IFT80: variants seen among roughly 807,000 people sequenced by gnomAD.
The protein encoded by IFT80 is intraflagellar transport 80.
IFT80 carries 79 observed loss-of-function variants against 107.9 expected under a neutral mutation model. The ratio of observed to expected loss-of-function variants is 0.73; its 90% CI spans 0.61 to 0.88. The LOEUF (loss-of-function observed/expected upper bound fraction) is 0.88. IFT80 is among the 40% of genes least tolerant of loss of function. The pLI is 0.00. For missense variants in IFT80, 797 were observed against 914.2 expected (o/e 0.87, Z 1.65); for synonymous variants, 299 against 300.9 (o/e 0.99, Z 0.07).
chr3:160,264,865 C>G (rs1000875164), intron 19 of IFT80, among the ~76,000 whole-genome samples: 1 of 152,090 alleles, frequency 6.6e-6, no homozygotes, highest in Non-Finnish European at 1.5e-5. Flanking sequence ...TACTTTAAAG[C>G]CTTCCCTCTC....
At chr3:160,268,276 G>T in intron 19 of IFT80, 137 bp downstream of exon 19, 1 of 750,944 alleles carries the variant, frequency 1.3e-6, no homozygotes, top group Non-Finnish European at 2.2e-6. Flanking sequence ...AAAATAAGAT[G>T]TCATAAGGCA....
rs534818872 is a variant in IFT80, at chr3:160,352,340, G to A, written c.777+3673C>T. On this transcript the variant is annotated intron_variant, in intron 8 of 19. Transcript: ENST00000326448. ...AGAAGATGCTTAGAACAAGTCAGAA[G>A]AATAAATTACCTGAGATTTTTAAGA... Among the ~76,000 whole-genome samples, 24 of 152,194 alleles carry A rather than the reference G, an allele frequency of 1.6e-4. No homozygotes were observed. In the East Asian group the frequency reaches 3.7e-3, roughly 23 times the overall value.
At chr3:160,323,437 T>C (rs1232299854) in intron 8 of IFT80, among the ~76,000 whole-genome samples, 6 of 152,112 alleles carry the variant, frequency 3.9e-5, no homozygotes, top group African/African-American at 1.4e-4. Flanking sequence ...TTGGTTACTG[T>C]AGCCTTGTAG....
At chr3:160,308,711 A>G (rs1411865857) in intron 9 of IFT80, among the ~76,000 whole-genome samples, 1 of 152,220 alleles carries the variant, frequency 6.6e-6, no homozygotes, top group Non-Finnish European at 1.5e-5. Context: ...AAGGTAAATC[A>G]AACTTCTTAT....
intron 5 of IFT80, among the ~76,000 whole-genome samples, chr3:160,366,483 T>C (rs1004347807): frequency 1.3e-5 from 2 of 152,006 alleles, no homozygotes; most frequent in Non-Finnish European, 2.9e-5. Flanking sequence ...TTTTAATATA[T>C]AAAGAAATAG....
chr3:160,282,194 T>C (rs1319435011), intron 14 of IFT80, among the ~76,000 whole-genome samples: 1 of 152,132 alleles, frequency 6.6e-6, no homozygotes, highest in Non-Finnish European at 1.5e-5. Context: ...GGCAGGAGAA[T>C]CACTTGAGCC....
intron 11 of IFT80, among the ~76,000 whole-genome samples, chr3:160,301,872 T>C (rs956260510): frequency 7.9e-5 from 12 of 152,012 alleles, no homozygotes; most frequent in Admixed American, 7.9e-4. Context: ...AGAACTTTAC[T>C]AACTCACTCA....
At chr3:160,389,614 A>C (rs1029936674) in intron 1 of IFT80, among the ~76,000 whole-genome samples, 1 of 151,442 alleles carries the variant, frequency 6.6e-6, no homozygotes, top group Non-Finnish European at 1.5e-5. Flanking sequence ...GTTTACTGAG[A>C]ATGATGATTT....
intron 2 of IFT80, 52 bp downstream of exon 2, chr3:160,384,512 C>T (rs1293130379): frequency 4.3e-6 from 6 of 1,392,260 alleles, no homozygotes; most frequent in South Asian, 1.4e-5. Context: ...AAACTTTTAA[C>T]AATACTATAA....
intron 10 of IFT80, among the ~76,000 whole-genome samples, chr3:160,305,689 T>G (rs1716783679): frequency 6.6e-6 from 1 of 152,134 alleles, no homozygotes; most frequent in African/African-American, 2.4e-5. Flanking sequence ...AAATGAAAAT[T>G]TAATGTAGAA....
intron 9 of IFT80, among the ~76,000 whole-genome samples, chr3:160,317,341 A>G (rs1049014841): frequency 6.6e-6 from 1 of 152,132 alleles, no homozygotes; most frequent in Non-Finnish European, 1.5e-5. Flanking sequence ...ATTTATAAAT[A>G]TTATTTTAAA....
intron 1 of IFT80, among the ~76,000 whole-genome samples, chr3:160,388,926 G>A (rs964265860): frequency 1.3e-5 from 2 of 152,170 alleles, no homozygotes; most frequent in Non-Finnish European, 2.9e-5. Context: ...AGGCTGGAAA[G>A]GGCCAGAAAA....
At chr3:160,319,975 TG>T (rs1559937737) in intron 8 of IFT80, 36 bp from the exon 9 acceptor site, 3 of 1,574,520 alleles carry the variant, frequency 1.9e-6, no homozygotes. Flanking sequence ...ATGGACTTAC[TG>T]AAAAAAAATT....
chr3:160,260,734 A>C (rs1474327843), intron 19 of IFT80, among the ~76,000 whole-genome samples: 2 of 152,328 alleles, frequency 1.3e-5, no homozygotes, highest in Admixed American at 6.5e-5. Context: ...ATCTTTTGCT[A>C]GTATAGGGAC....
chr3:160,352,973 G>C (rs943715219), intron 8 of IFT80, among the ~76,000 whole-genome samples: 1 of 152,048 alleles, frequency 6.6e-6, no homozygotes, highest in Non-Finnish European at 1.5e-5. Context: ...TGTCCTCTAT[G>C]ATGATCTTAG....
intron 4 of IFT80, 58 bp from the exon 5 acceptor site, chr3:160,375,938 A>C: frequency 8.9e-7 from 1 of 1,122,398 alleles, no homozygotes; most frequent in Non-Finnish European, 1.3e-6. Flanking sequence ...AAATTTAAAC[A>C]TTAAATTTGC....
chr3:160,290,136 C>T lies in IFT80; in HGVS notation c.1316-4268G>A, dbSNP rs6768295. ...CTACTACTGAAAGTCCTAATGGGGC[C>T]GGGCTCACACCTGTAATCCGAGCAT... On this transcript the variant is annotated intron_variant, in intron 12 of 19. Coordinates refer to ENST00000326448, the MANE Select transcript of IFT80 (RefSeq NM_020800.3). Among the ~76,000 whole-genome samples the T allele has an allele frequency of 9.3e-3, 1,417 of 152,000 alleles. 27 individuals are homozygous for T. The highest frequency in any genetic ancestry group is 0.032 in the African/African-American group (1,312 of 41,442).
chr3:160,277,634 C>T lies in IFT80; in HGVS notation c.1873G>A (p.Val625Ile). The T allele has an allele frequency of 1.2e-6, 2 of 1,613,672 alleles. No homozygotes were observed. The highest frequency in any genetic ancestry group is 1.7e-6 in the Non-Finnish European group (2 of 1,179,766). ...TMWACLAAMAVANRDMTTAEI... is the reference protein window; with the variant it reads ...TMWACLAAMAIANRDMTTAEI... Reference sequence around the variant, plus strand: ...GCAGTAGTCATATCTCGATTAGCAACTGCCATAGCAGCTAGACAAGCCCAC... The same window carrying T: ...GCAGTAGTCATATCTCGATTAGCAATTGCCATAGCAGCTAGACAAGCCCAC... Residue 625 changes from valine (V) to isoleucine (I), a missense_variant, in exon 17 of 20, where the codon GTT becomes ATT. Coordinates refer to ENST00000326448, the MANE Select transcript of IFT80 (RefSeq NM_020800.3).
chr3:160,294,056 G>T (rs1438107263), intron 12 of IFT80, among the ~76,000 whole-genome samples: 2 of 152,122 alleles, frequency 1.3e-5, no homozygotes. Flanking sequence ...GCTTTCCTGA[G>T]TTCTGAGTCA....
Sources: allele counts gnomAD v4.1 joint callset (sites outside exome capture counted in the v4.1 genomes callset), GRCh38; gene constraint gnomAD v4.1.1; transcripts MANE v1.5; gene names NCBI Gene and HGNC (gene_info 2026-07-23, HGNC 2026-07-21).